The following CACHD1 variants were observed in gnomAD, a reference collection of about 807,000 sequenced individuals.
CACHD1 encodes VWFA and cache domain-containing protein 1.
In CACHD1, 71 loss-of-function variants were observed where a neutral mutation model predicts 138.7. That is an observed-to-expected ratio of 0.51 (90% CI 0.42 to 0.62). CACHD1 has a LOEUF of 0.62. Among genes scored for constraint, CACHD1 ranks in the 20% least tolerant of loss-of-function variants. The pLI is 0.00. For synonymous variants in CACHD1, 578 were observed against 591.5 expected (o/e 0.98, Z 0.33); for missense variants, 1,389 against 1,625.3 (o/e 0.85, Z 2.50).
intron 7 of CACHD1, among the ~76,000 whole-genome samples, chr1:64,640,089 C>G (rs1206219111): frequency 6.6e-6 from 1 of 152,186 alleles, no homozygotes; most frequent in Admixed American, 6.5e-5. Flanking sequence ...CTTGCAGAAG[C>G]CACAGTCTTT....
intron 11 of CACHD1, among the ~76,000 whole-genome samples, chr1:64,654,309 G>T (rs530034924): frequency 6.6e-6 from 1 of 152,260 alleles, no homozygotes; most frequent in South Asian, 2.1e-4. Context: ...CTTATACATT[G>T]TTTTTTCTTC....
At chr1:64,541,043 A>G (rs901721965) in intron 1 of CACHD1, among the ~76,000 whole-genome samples, 1 of 152,228 alleles carries the variant, frequency 6.6e-6, no homozygotes, top group African/African-American at 2.4e-5. Flanking sequence ...TAAAGCTGAA[A>G]GAGGAGAGGG....
At chr1:64,649,414 C>G (rs1436994719) in intron 9 of CACHD1, among the ~76,000 whole-genome samples, 1 of 152,070 alleles carries the variant, frequency 6.6e-6, no homozygotes, top group Non-Finnish European at 1.5e-5. Context: ...AATGGAAACT[C>G]CCACTTTTAG....
In CACHD1 at chr1:64,658,745, A is replaced by G; in HGVS notation, c.1823A>G (p.Gln608Arg). Residue 608 changes from glutamine (Q) to arginine (R), a missense_variant, in exon 13 of 27, where the codon CAA (glutamine) becomes CGA (arginine). Gln to Arg is a conservative substitution (Grantham distance 43). This residue lies in a region of CACHD1 where 1,000 missense variants were observed against 1,114.7 expected (regional missense o/e 0.90). Transcript: ENST00000651257. Reference protein sequence around the residue: ...TSFILCIVVIQPEIPVKQLKN... With the variant: ...TSFILCIVVIRPEIPVKQLKN... The stretch of plus-strand genomic sequence containing the variant: ...TTTATTCTGTGTATTGTGGTGATAC[A>G]ACCAGAAATACCTGTGAAACAACTG... 1 of 1,612,018 alleles carries G rather than the reference A, an allele frequency of 6.2e-7. No homozygotes were observed. Among genetic ancestry groups the G allele is most frequent in the Non-Finnish European group, 8.5e-7 (1 of 1,178,930 alleles).
rs1401872048 is a variant in CACHD1, at chr1:64,471,035, A to G, written c.198+93A>G. 9.3e-6 allele frequency: 12 copies of G among 1,289,672 alleles called. No individual in the cohort carries two copies. The East Asian group carries it at 1.8e-4, about 20-fold the overall frequency. 79.9% of individuals were successfully genotyped at this position (1,289,672 alleles called of 1,614,324 possible). A position where few individuals can be genotyped will look rare whatever the true frequency, so the allele number is the denominator to read the frequency against. On this transcript the variant is annotated intron_variant, in intron 1 of 26. Transcript: ENST00000651257. ...GGTACAAGTCCCCTGGACTGTGTGC[A>G]TCGGCTCCTTGCATACATAGAGCCC...
intron 3 of CACHD1, among the ~76,000 whole-genome samples, chr1:64,597,584 T>C (rs1471376810): frequency 6.8e-6 from 1 of 147,558 alleles, no homozygotes; most frequent in Non-Finnish European, 1.5e-5. Flanking sequence ...GAGTTATTTC[T>C]CTTGAAACTG....
At chr1:64,579,089 G>A (rs780433425) in intron 2 of CACHD1, among the ~76,000 whole-genome samples, 19 of 152,176 alleles carry the variant, frequency 1.2e-4, no homozygotes, top group Non-Finnish European at 2.4e-4. Context: ...ACAGACTCTT[G>A]CAGCTACTTA....
intron 4 of CACHD1, among the ~76,000 whole-genome samples, chr1:64,614,044 G>A (rs936126484): frequency 1.3e-5 from 2 of 152,142 alleles, no homozygotes; most frequent in Admixed American, 6.5e-5. Context: ...GTTACACTGG[G>A]AATTTTTCCT....
chr1:64,527,201 C>A (rs957552423), intron 1 of CACHD1, among the ~76,000 whole-genome samples: 11 of 152,124 alleles, frequency 7.2e-5, no homozygotes, highest in African/African-American at 2.7e-4. Flanking sequence ...GTTGCAGATC[C>A]CCTTGCTTTC....
chr1:64,518,094 G>A (rs1646471680), intron 1 of CACHD1, among the ~76,000 whole-genome samples: 1 of 152,144 alleles, frequency 6.6e-6, no homozygotes, highest in African/African-American at 2.4e-5. Context: ...TTGGTTTAGT[G>A]TTTTCTAAAT....
chr1:64,558,204 A>G (rs550067914), intron 2 of CACHD1, among the ~76,000 whole-genome samples: 1 of 152,322 alleles, frequency 6.6e-6, no homozygotes, highest in South Asian at 2.1e-4. Context: ...TTACTTAACT[A>G]ACATTAGTGT....
At chr1:64,680,186 T>C (rs1570478482) in intron 24 of CACHD1, among the ~76,000 whole-genome samples, 1 of 152,234 alleles carries the variant, frequency 6.6e-6, no homozygotes, top group Middle Eastern at 3.4e-3. Context: ...AATAATCACA[T>C]CTCTTAAAAC....
intron 1 of CACHD1, among the ~76,000 whole-genome samples, chr1:64,477,464 A>G (rs1646180173): frequency 6.6e-6 from 1 of 152,114 alleles, no homozygotes; most frequent in African/African-American, 2.4e-5. Context: ...AAAAACATAT[A>G]CAAAAGTAAA....
chr1:64,592,321 C>T (rs1452695255), intron 3 of CACHD1, among the ~76,000 whole-genome samples: 1 of 152,144 alleles, frequency 6.6e-6, no homozygotes, highest in Non-Finnish European at 1.5e-5. Context: ...ATGTATAAGA[C>T]ATTGTACTAG....
At chr1:64,550,677 G>T in intron 2 of CACHD1, 21 bp downstream of exon 2, 2 of 1,508,764 alleles carry the variant, frequency 1.3e-6, no homozygotes, top group South Asian at 2.3e-5. Flanking sequence ...ATGAGTACTT[G>T]ACACTCCCTG....
rs187716026 is a variant in CACHD1 at position 64,558,228 on chromosome 1, C to G, written c.261+7572C>G. Among the ~76,000 whole-genome samples, 430 of 152,314 alleles carry G rather than the reference C, an allele frequency of 2.8e-3. 3 individuals are homozygous for G. The highest frequency in any genetic ancestry group is 0.01 in the African/African-American group (423 of 41,556). On this transcript the variant is annotated intron_variant, in intron 2 of 26. Transcript: ENST00000651257. ...TAACATTAGTGTTGAACAGTTGATC[C>G]TTTTCATCTTCCTTGATAAATCTTC...
intron 1 of CACHD1, among the ~76,000 whole-genome samples, chr1:64,492,727 C>G (rs953210578): frequency 2.0e-5 from 3 of 152,120 alleles, no homozygotes; most frequent in Admixed American, 6.5e-5. Flanking sequence ...TTATTTTTGT[C>G]TTCTGGCACA....
chr1:64,669,448 GCA>G (rs1235265914), intron 16 of CACHD1, among the ~76,000 whole-genome samples: 4 of 152,164 alleles, frequency 2.6e-5, no homozygotes, highest in Admixed American at 2.0e-4. Context: ...AGAATTAGAG[GCA>G]TTTTCTAATT....
intron 2 of CACHD1, among the ~76,000 whole-genome samples, chr1:64,577,049 T>C (rs1646974181): frequency 6.6e-6 from 1 of 152,170 alleles, no homozygotes; most frequent in South Asian, 2.1e-4. Flanking sequence ...GCTCAGGTGA[T>C]CCTCCCGCCT....
Sources: allele counts gnomAD v4.1 joint callset (sites outside exome capture counted in the v4.1 genomes callset), GRCh38; gene constraint gnomAD v4.1.1; regional missense constraint gnomAD v4.1.1; transcripts MANE v1.5; gene names NCBI Gene and HGNC (gene_info 2026-07-23, HGNC 2026-07-21).